KDM1A: variants seen among roughly 807,000 people sequenced by gnomAD.
The protein encoded by KDM1A is lysine demethylase 1A, also known as lysine-specific histone demethylase 1A.
KDM1A carries 49 observed loss-of-function variants against 109.4 expected under a neutral mutation model. That is an observed-to-expected ratio of 0.45 (90% CI 0.36 to 0.57). The LOEUF (loss-of-function observed/expected upper bound fraction) is 0.57. Among genes scored for constraint, KDM1A ranks in the 20% least tolerant of loss-of-function variants. The pLI, the probability that KDM1A is intolerant of heterozygous loss-of-function variation, is 0.00. For missense variants in KDM1A, 668 were observed against 1,116.6 expected (o/e 0.60, Z 5.73); for synonymous variants, 380 against 415.4 (o/e 0.91, Z 1.04).
rs1216533126 is a variant in KDM1A, at chr1:23,030,633, G to C, written c.516G>C (p.Ser172=). Residue 172 remains serine (S), a splice_region_variant and synonymous_variant, in exon 2 of 21, where the codon TCG becomes TCC. Transcript: ENST00000400181. ...ATGAAAGTGAGCCTGAAGAACCATC[G>C]GGTGAGTTGTAGTATCCAACCACAG... ...EENESEPEEP[S]GQAGGLQDDS... is the part of the protein sequence containing the mutation. 1 of 1,544,414 alleles carries C rather than the reference G, an allele frequency of 6.5e-7. No individual in the cohort carries two copies.
intron 4 of KDM1A, 75 bp from the exon 5 acceptor site, chr1:23,053,686 A>G (rs1642739395): frequency 2.0e-6 from 2 of 1,024,352 alleles, no homozygotes; most frequent in Admixed American, 1.9e-5. Context: ...GCAGCCAGCT[A>G]AAAGATGATT....
intron 1 of KDM1A, among the ~76,000 whole-genome samples, chr1:23,026,384 T>C (rs901882636): frequency 1.7e-5 from 1 of 57,620 alleles, no homozygotes; most frequent in African/African-American, 6.1e-5. Flanking sequence ...TGTTTTTTGT[T>C]TGTCTGTTTG....
chr1:23,071,435 A>G (rs1643316685), intron 13 of KDM1A, 76 bp downstream of exon 13: 1 of 1,420,194 alleles, frequency 7.0e-7, no homozygotes, highest in African/African-American at 1.4e-5. Context: ...AATTTTGGAA[A>G]AGAGAGCCAC....
At chr1:23,035,271 C>G (rs927547432) in intron 2 of KDM1A, among the ~76,000 whole-genome samples, 1 of 152,084 alleles carries the variant, frequency 6.6e-6, no homozygotes, top group Non-Finnish European at 1.5e-5. Flanking sequence ...GGCATGATCT[C>G]GGCTCACCAC....
At chr1:23,068,324 GAGA>G (rs1468717522) in intron 10 of KDM1A, among the ~76,000 whole-genome samples, 1 of 152,174 alleles carries the variant, frequency 6.6e-6, no homozygotes, top group African/African-American at 2.4e-5. Context: ...GCAGTAGTGG[GAGA>G]AGAAGAGGAA....
At position 23,042,440 on chromosome 1, in the gene KDM1A, ATT is replaced by A. The variant is rs769149894; in HGVS notation, c.518-1958_518-1957del. 7.6e-3 allele frequency among the ~76,000 whole-genome samples: 163 copies of A among 21,482 alleles called. 1 individual carries two copies. The highest frequency in any genetic ancestry group is 0.02 in the African/African-American group (122 of 6,072). The allele number at this position is 21,482 out of a possible 152,430, so 14.1% of individuals were successfully genotyped here. On this transcript the variant is annotated intron_variant, in intron 2 of 20. Coordinates refer to ENST00000400181, the MANE Select transcript of KDM1A (RefSeq NM_001009999.3). ...TTTTTAAAAATCTATGAAATATATT[ATT>A]TTTTTTTTTTTTTTTTTTTTTTTTT...
chr1:23,065,743 T>C (rs938760289), intron 9 of KDM1A, among the ~76,000 whole-genome samples: 5 of 152,206 alleles, frequency 3.3e-5, no homozygotes, highest in African/African-American at 1.2e-4. Flanking sequence ...TTGTTGTTGT[T>C]ACTGTTCTGT....
At chr1:23,032,949 G>A (rs910847696) in intron 2 of KDM1A, among the ~76,000 whole-genome samples, 3 of 152,344 alleles carry the variant, frequency 2.0e-5, no homozygotes, top group Admixed American at 1.3e-4. Flanking sequence ...GCCCAGGCTG[G>A]AGTGCAGTGG....
chr1:23,030,769 G>T (rs1042938426), intron 2 of KDM1A, 135 bp downstream of exon 2: 15 of 826,376 alleles, frequency 1.8e-5, no homozygotes. Context: ...CTCCTGCCAT[G>T]TGTGTCTTTG....
intron 2 of KDM1A, among the ~76,000 whole-genome samples, chr1:23,043,320 T>G (rs775597687): frequency 1.3e-5 from 2 of 152,216 alleles, no homozygotes; most frequent in Admixed American, 6.5e-5. Flanking sequence ...AGAATGAGAT[T>G]CTATTCTACC....
At chr1:23,067,663 C>T (rs980883711) in intron 10 of KDM1A, among the ~76,000 whole-genome samples, 5 of 152,244 alleles carry the variant, frequency 3.3e-5, no homozygotes, top group Non-Finnish European at 5.9e-5. Context: ...CAGCTTATAA[C>T]AAGTAATGCT....
At chr1:23,041,920 T>G (rs1184609583) in intron 2 of KDM1A, among the ~76,000 whole-genome samples, 4 of 152,172 alleles carry the variant, frequency 2.6e-5, no homozygotes, top group Admixed American at 6.5e-5. Context: ...CTCGTTGCCC[T>G]TTTGTCCTGG....
chr1:23,078,954 C>T (rs376925624), intron 16 of KDM1A, 36 bp from the exon 17 acceptor site: 16 of 1,565,904 alleles, frequency 1.0e-5, no homozygotes, highest in Non-Finnish European at 1.4e-5. Flanking sequence ...GTGCCATATT[C>T]ATCACCACTA....
chr1:23,065,764 T>G (rs1643143876), intron 9 of KDM1A, among the ~76,000 whole-genome samples: 1 of 152,170 alleles, frequency 6.6e-6, no homozygotes, highest in Non-Finnish European at 1.5e-5. Context: ...GTTTTTCCTT[T>G]CCTCTTTTGA....
At chr1:23,058,571 C>T (rs1327629035) in intron 8 of KDM1A, among the ~76,000 whole-genome samples, 1 of 152,166 alleles carries the variant, frequency 6.6e-6, no homozygotes, top group Non-Finnish European at 1.5e-5. Flanking sequence ...TGATGTTGAA[C>T]TCCTGGCCTC....
chr1:23,033,552 AAAGT>A (rs956118816), intron 2 of KDM1A, among the ~76,000 whole-genome samples: 3 of 152,170 alleles, frequency 2.0e-5, no homozygotes, highest in African/African-American at 4.8e-5. Flanking sequence ...ACAAAACAAA[AAAGT>A]AAGGTTTGCA....
intron 2 of KDM1A, among the ~76,000 whole-genome samples, chr1:23,041,479 G>A (rs1325080932): frequency 6.5e-5 from 7 of 106,920 alleles, no homozygotes; most frequent in Non-Finnish European, 1.2e-4. Flanking sequence ...GTCTTGCTGT[G>A]TTGCCCAGGC....
At chr1:23,055,419 A>T (rs979036196) in intron 6 of KDM1A, 17 of 226,020 alleles carry the variant, frequency 7.5e-5, no homozygotes, top group Admixed American at 3.3e-4. Flanking sequence ...TTTCCAATTT[A>T]AAAAAAAGAA....
chr1:23,037,228 G>A (rs551492784), intron 2 of KDM1A, among the ~76,000 whole-genome samples: 36 of 151,286 alleles, frequency 2.4e-4, no homozygotes, highest in South Asian at 4.2e-4. Context: ...CACTTGAACC[G>A]GAGAGGCAGA....
Sources: allele counts gnomAD v4.1 joint callset (sites outside exome capture counted in the v4.1 genomes callset), GRCh38; gene constraint gnomAD v4.1.1; transcripts MANE v1.5; gene names NCBI Gene and HGNC (gene_info 2026-07-23, HGNC 2026-07-21).